ANKRD55: variants seen among roughly 807,000 people sequenced by gnomAD.
The protein encoded by ANKRD55 is ankyrin repeat domain 55.
Under a neutral mutation model 60.6 loss-of-function variants are expected in ANKRD55, and 41 were observed. The observed-to-expected ratio is 0.68, with a 90% confidence interval of 0.53 to 0.88. The LOEUF is 0.88. ANKRD55 is among the 40% of genes least tolerant of loss of function. The pLI is 0.00. For synonymous variants in ANKRD55, 264 were observed against 290.3 expected (o/e 0.91, Z 0.92); for missense variants, 732 against 767.6 (o/e 0.95, Z 0.55).
chr5:56,123,378 C>T (rs540447572), intron 8 of ANKRD55, among the ~76,000 whole-genome samples: 55 of 152,210 alleles, frequency 3.6e-4, no homozygotes, highest in Admixed American at 6.5e-4. Context: ...TATCTTCTGT[C>T]AATTAAACAC....
At position 56,135,322 on chromosome 5, in the gene ANKRD55, T is replaced by G. The variant is rs1232296266; in HGVS notation, c.613-8216A>C. 3.9e-4 allele frequency among the ~76,000 whole-genome samples: 6 copies of G among 15,514 alleles called. 2 individuals carry two copies. Among genetic ancestry groups the G allele is most frequent in the Non-Finnish European group, 1.2e-4 (1 of 8,016 alleles). 10.2% of individuals were successfully genotyped at this position (15,514 alleles called of 152,430 possible). ...TTCTTTCTTTCTTTCTTTCTTTCTT[T>G]CTTTCTTTCTTTCTTTCTTTCTTTC... On this transcript the variant is annotated intron_variant, in intron 7 of 11. Transcript: ENST00000341048.
At chr5:56,140,541 T>C (rs1310207746) in intron 7 of ANKRD55, among the ~76,000 whole-genome samples, 2 of 152,236 alleles carry the variant, frequency 1.3e-5, no homozygotes, top group African/African-American at 2.4e-5. Context: ...ATCTTTTTAA[T>C]CTTTTTGCCT....
At chr5:56,183,700 C>A in intron 2 of ANKRD55, 66 bp from the exon 3 acceptor site, 1 of 1,585,550 alleles carries the variant, frequency 6.3e-7, no homozygotes, top group South Asian at 1.1e-5. Context: ...TAACAATACC[C>A]AAGTCGTCAC....
At chr5:56,178,762 A>G (rs374117176) in intron 3 of ANKRD55, among the ~76,000 whole-genome samples, 84 of 152,046 alleles carry the variant, frequency 5.5e-4, no homozygotes, top group Admixed American at 1.3e-3. Flanking sequence ...AAAAGACTCA[A>G]TATAATAGAG....
chr5:56,170,585 A>G, intron 5 of ANKRD55, 109 bp downstream of exon 5: 6 of 740,680 alleles, frequency 8.1e-6, no homozygotes, highest in African/African-American at 1.8e-5. Flanking sequence ...AAAAAAAAAG[A>G]TGGTTTTCTT....
At chr5:56,170,172 G>T (rs988238660) in intron 5 of ANKRD55, among the ~76,000 whole-genome samples, 1 of 152,116 alleles carries the variant, frequency 6.6e-6, no homozygotes, top group East Asian at 1.9e-4. Context: ...ATGGCCCTGG[G>T]TTTAGACATT....
At chr5:56,102,610 A>G in intron 10 of ANKRD55, 24 bp from the exon 11 acceptor site, 1 of 1,568,480 alleles carries the variant, frequency 6.4e-7, no homozygotes, top group Non-Finnish European at 8.8e-7. Context: ...TATTTGCATC[A>G]ATTACTTGAG....
chr5:56,168,147 G>C (rs969146212), intron 5 of ANKRD55, among the ~76,000 whole-genome samples: 5 of 152,190 alleles, frequency 3.3e-5, no homozygotes. Context: ...CTTATTGATG[G>C]AATATGAGCA....
intron 8 of ANKRD55, among the ~76,000 whole-genome samples, chr5:56,125,096 TTC>T (rs1757202892): frequency 6.6e-6 from 1 of 152,178 alleles, no homozygotes; most frequent in African/African-American, 2.4e-5. Context: ...AACTATTCTG[TTC>T]AAAGCTGGTT....
chr5:56,181,542 A>G (rs1246986461), intron 3 of ANKRD55, among the ~76,000 whole-genome samples: 2 of 152,172 alleles, frequency 1.3e-5, no homozygotes, highest in Non-Finnish European at 2.9e-5. Flanking sequence ...CCAGTCTTAC[A>G]GCCCTAACAT....
At position 56,212,049 on chromosome 5, in the gene ANKRD55, GACACACAC is replaced by G. The variant is rs200349739; in HGVS notation, c.58+20799_58+20806del. The stretch of plus-strand genomic sequence containing the variant: ...TCTAAGATTAGCATAAACTGGTAAA[GACACACAC>G]ACACACACACACACACACACACACA... On this transcript the variant is annotated intron_variant, in intron 2 of 11. Coordinates refer to ENST00000341048, the MANE Select transcript of ANKRD55 (RefSeq NM_024669.3). Among the ~76,000 whole-genome samples the G allele has an allele frequency of 5.2e-3, 676 of 130,224 alleles. 4 individuals are homozygous for G. In the Middle Eastern group the frequency reaches 0.058, roughly 11 times the overall value. 85.4% of individuals were successfully genotyped at this position (130,224 alleles called of 152,430 possible). A position where few individuals can be genotyped will look rare whatever the true frequency, so the allele number is the denominator to read the frequency against.
intron 5 of ANKRD55, 124 bp downstream of exon 5, chr5:56,170,570 C>CAAA (rs3047043): frequency 0.08 from 48,594 of 610,062 alleles, 3,222 homozygotes; most frequent in African/African-American, 0.34. Flanking sequence ...GCTGCAACTT[C>CAAA]AAAAAAAAAA....
chr5:56,205,032 G>A (rs1276762278), intron 2 of ANKRD55, among the ~76,000 whole-genome samples: 1 of 105,130 alleles, frequency 9.5e-6, no homozygotes, highest in Non-Finnish European at 2.2e-5. Context: ...TGAAAAAGCT[G>A]GAAGAGAGTT....
chr5:56,185,333 C>T (rs1432289179), intron 2 of ANKRD55, among the ~76,000 whole-genome samples: 1 of 152,098 alleles, frequency 6.6e-6, no homozygotes, highest in Non-Finnish European at 1.5e-5. Context: ...TGTTGATCAA[C>T]TCACACCGTT....
chr5:56,105,999 T>G (rs79418468), intron 10 of ANKRD55, among the ~76,000 whole-genome samples: 1 of 152,200 alleles, frequency 6.6e-6, no homozygotes, highest in Non-Finnish European at 1.5e-5. Flanking sequence ...GTGCTCCAAA[T>G]TCCAAGTCTC....
chr5:56,111,494 T>C lies in ANKRD55; in HGVS notation c.1254A>G (p.Leu418=), dbSNP rs1218262430. The change falls in exon 10 of 12, where the codon TTA becomes TTG. Residue 418 remains leucine (L), a synonymous_variant. Coordinates refer to ENST00000341048, the MANE Select transcript of ANKRD55 (RefSeq NM_024669.3). ...KKTSDNSKYL[L]PEKKPLARKG... is the part of the protein sequence containing the mutation. ...TACGGGCCAGCGGTTTCTTTTCTGGTAAGAGATATTTTGAATTGTCTGAGG... is the reference window on the plus strand; with the variant it reads ...TACGGGCCAGCGGTTTCTTTTCTGGCAAGAGATATTTTGAATTGTCTGAGG... 3 of 1,614,038 alleles carry C rather than the reference T, an allele frequency of 1.9e-6. No individual in the cohort carries two copies. The highest frequency in any genetic ancestry group is 2.5e-6 in the Non-Finnish European group (3 of 1,180,044).
At chr5:56,228,081 G>A (rs1161370621) in intron 2 of ANKRD55, among the ~76,000 whole-genome samples, 2 of 152,170 alleles carry the variant, frequency 1.3e-5, no homozygotes, top group Admixed American at 6.5e-5. Context: ...GGGTTGAATG[G>A]TGGCCCTAAA....
chr5:56,113,964 T>A (rs1756812094), intron 9 of ANKRD55, among the ~76,000 whole-genome samples: 1 of 146,904 alleles, frequency 6.8e-6, no homozygotes, highest in South Asian at 2.2e-4. Context: ...TGACTAGGTA[T>A]ATTTATATCA....
At chr5:56,109,038 A>ACACAC (rs1756583615) in intron 10 of ANKRD55, among the ~76,000 whole-genome samples, 1 of 143,878 alleles carries the variant, frequency 7.0e-6, no homozygotes, top group South Asian at 2.2e-4. Flanking sequence ...TCTGTCTCAA[A>ACACAC]ACACACACAC....
Sources: gnomAD v4.1 joint callset for allele counts (sites outside exome capture counted in the v4.1 genomes callset) on GRCh38, gnomAD v4.1.1 for gene constraint, MANE v1.5 for transcripts, NCBI Gene and HGNC (gene_info 2026-07-23, HGNC 2026-07-21) for gene names.